The following PRELID2 variants were observed in gnomAD, a reference collection of about 807,000 sequenced individuals.
PRELID2 encodes the protein PRELI domain-containing protein 2.
PRELID2 carries 25 observed loss-of-function variants against 28.4 expected under a neutral mutation model. The ratio of observed to expected loss-of-function variants is 0.88; its 90% CI spans 0.64 to 1.23. The LOEUF (loss-of-function observed/expected upper bound fraction) is 1.23, where lower values mean the gene tolerates loss of function less well. PRELID2 is among the 50% of genes most tolerant of loss of function. The pLI is 0.00. For synonymous variants in PRELID2, 76 were observed against 71.6 expected (o/e 1.06, Z -0.31); for missense variants, 201 against 214.4 (o/e 0.94, Z 0.39).
downstream of PRELID2, among the ~76,000 whole-genome samples, chr5:145,467,886 T>C (rs1752016451): frequency 6.6e-6 from 1 of 151,908 alleles, no homozygotes; most frequent in Non-Finnish European, 1.5e-5. Flanking sequence ...TTAATTTATT[T>C]ACTTTGTTTC....
chr5:145,646,681 T>C (rs1754201668), intron 1 of PRELID2, among the ~76,000 whole-genome samples: 1 of 152,192 alleles, frequency 6.6e-6, no homozygotes. Context: ...TTTATCTACC[T>C]TTGGTCTTTG....
chr5:145,343,432 T>A, the PRELID2 span, among the ~76,000 whole-genome samples: 1 of 150,250 alleles, frequency 6.7e-6, no homozygotes, highest in Non-Finnish European at 1.5e-5. Flanking sequence ...ACCATTTGAG[T>A]CAACAAAGAA....
At chr5:145,788,029 T>C (rs996869054) in intron 5 of PRELID2, among the ~76,000 whole-genome samples, 1 of 152,140 alleles carries the variant, frequency 6.6e-6, no homozygotes, top group African/African-American at 2.4e-5. Flanking sequence ...CCCAAACTGG[T>C]GAGCACCTGC....
At chr5:145,719,997 GAAT>G (rs1345656744) in intron 1 of PRELID2, among the ~76,000 whole-genome samples, 1 of 151,272 alleles carries the variant, frequency 6.6e-6, no homozygotes, top group African/African-American at 2.4e-5. Flanking sequence ...ATTACCCAAG[GAAT>G]ATTATATGCA....
chr5:145,598,126 A>G (rs149456498), intron 1 of PRELID2, among the ~76,000 whole-genome samples: 200 of 152,306 alleles, frequency 1.3e-3, no homozygotes, highest in African/African-American at 4.5e-3. Context: ...AAGATGGCAT[A>G]TCAAATAGAA....
At chr5:145,824,425 C>CGTGT (rs369429281) in intron 1 of PRELID2, among the ~76,000 whole-genome samples, 6,933 of 96,162 alleles carry the variant, frequency 0.072, 246 homozygotes, top group Middle Eastern at 0.089. Context: ...CCACAGCAGG[C>CGTGT]GTGTGTGTGT....
intron 1 of PRELID2, among the ~76,000 whole-genome samples, chr5:145,491,898 G>C (rs1752273069): frequency 6.6e-6 from 1 of 152,098 alleles, no homozygotes; most frequent in African/African-American, 2.4e-5. Flanking sequence ...AGGCTGAATA[G>C]TACTCCAGTT....
chr5:145,713,350 TTATATA>T lies in PRELID2; in HGVS notation n.70+51575_70+51580del, dbSNP rs148194664. Among the ~76,000 whole-genome samples the T allele has an allele frequency of 6.0e-3, 747 of 124,684 alleles. 9 individuals are homozygous for T. Among genetic ancestry groups the T allele is most frequent in the African/African-American group, 0.021 (668 of 32,122 alleles). 81.8% of individuals were successfully genotyped at this position (124,684 alleles called of 152,430 possible). ...AGAACTCTAAGAATGATATCTGACT[TTATATA>T]TATATATATATATACTTTACATTAT... is the stretch of plus-strand genomic sequence containing the variant. On this transcript the variant is annotated intron_variant and non_coding_transcript_variant, in intron 1 of 2. Transcript: ENST00000510259.
chr5:145,714,569 T>C (rs900568028), intron 1 of PRELID2, among the ~76,000 whole-genome samples: 75 of 152,136 alleles, frequency 4.9e-4, no homozygotes, highest in Admixed American at 4.6e-3. Context: ...GGAAATAATA[T>C]GTGTTAAGTT....
chr5:145,830,468 C>G (rs1755511123), intron 1 of PRELID2, among the ~76,000 whole-genome samples: 1 of 152,150 alleles, frequency 6.6e-6, no homozygotes, highest in Non-Finnish European at 1.5e-5. Flanking sequence ...AAGTGAGATT[C>G]CAGAGAAGAC....
At chr5:145,435,017 C>A in the PRELID2 span, among the ~76,000 whole-genome samples, 1 of 152,154 alleles carries the variant, frequency 6.6e-6, no homozygotes, top group African/African-American at 2.4e-5. Context: ...AATGCCTATT[C>A]TCCTTTCAAA....
chr5:145,760,341 G>A lies in PRELID2; in HGVS notation c.*195C>T, dbSNP rs1198660839. 9 of 151,970 alleles carry A rather than the reference G, an allele frequency of 5.9e-5. No individual in the cohort carries two copies. Among genetic ancestry groups the A allele is most frequent in the South Asian group, 2.1e-4 (1 of 4,814 alleles). 9.4% of individuals were successfully genotyped at this position (151,970 alleles called of 1,614,324 possible). The stretch of plus-strand genomic sequence containing the variant: ...CTTATCTCCCTGAGTCCCACTATTC[G>A]AAGCAGGCTCCCAGAGGAGGGTATC... On this transcript the variant is annotated 3_prime_UTR_variant, in exon 7 of 7. Coordinates refer to ENST00000683046, the MANE Select transcript of PRELID2 (RefSeq NM_205846.3).
chr5:145,478,606 G>A (rs892316391), intron 1 of PRELID2, among the ~76,000 whole-genome samples: 10 of 152,070 alleles, frequency 6.6e-5, no homozygotes, highest in African/African-American at 2.4e-4. Context: ...ATTTTATACT[G>A]ATTACACATT....
At chr5:145,500,155 T>C (rs776628269) in intron 1 of PRELID2, among the ~76,000 whole-genome samples, 6 of 152,206 alleles carry the variant, frequency 3.9e-5, no homozygotes, top group Non-Finnish European at 8.8e-5. Context: ...AAATCTCATA[T>C]GGAATTATAA....
the PRELID2 span, among the ~76,000 whole-genome samples, chr5:145,289,241 C>T: frequency 6.6e-6 from 1 of 152,096 alleles, no homozygotes; most frequent in Admixed American, 6.6e-5. Flanking sequence ...CAGGACTATA[C>T]AGAATAGTTT....
chr5:145,553,256 T>A (rs1295248075), intron 1 of PRELID2, among the ~76,000 whole-genome samples: 4 of 149,342 alleles, frequency 2.7e-5, no homozygotes, highest in Non-Finnish European at 4.5e-5. Flanking sequence ...TGGTGCCTTG[T>A]AAGCAGAACC....
intron 1 of PRELID2, among the ~76,000 whole-genome samples, chr5:145,608,335 G>A (rs1309093455): frequency 6.6e-6 from 1 of 152,142 alleles, no homozygotes; most frequent in African/African-American, 2.4e-5. Flanking sequence ...GCTTTATAAT[G>A]TCAGTGGTCT....
intron 1 of PRELID2, among the ~76,000 whole-genome samples, chr5:145,701,981 G>A (rs546805965): frequency 2.0e-5 from 3 of 152,166 alleles, no homozygotes; most frequent in South Asian, 4.1e-4. Flanking sequence ...AACCTGGGAG[G>A]TGGAGGTTGT....
chr5:145,374,335 T>C, the PRELID2 span, among the ~76,000 whole-genome samples: 1 of 152,182 alleles, frequency 6.6e-6, no homozygotes, highest in Non-Finnish European at 1.5e-5. Context: ...TTGTAGAGTT[T>C]CTGCTGAGAA....
Sources: gnomAD v4.1 joint callset for allele counts (sites outside exome capture counted in the v4.1 genomes callset) on GRCh38, gnomAD v4.1.1 for gene constraint, MANE v1.5 for transcripts, NCBI Gene and HGNC (gene_info 2026-07-23, HGNC 2026-07-21) for gene names.